Variants in GPC5 observed in about 807,000 individuals in gnomAD.
The protein encoded by GPC5 is glypican-5.
A neutral mutation model predicts 53.9 loss-of-function variants in GPC5; 47 were observed. The ratio of observed to expected loss-of-function variants is 0.87; its 90% CI spans 0.69 to 1.11. GPC5 has a LOEUF of 1.11. GPC5 is among the 50% of genes most tolerant of loss of function. The pLI is 0.00. For missense variants in GPC5, 748 were observed against 713.1 expected, an observed-to-expected ratio of 1.05 and a Z score of -0.56; for synonymous variants, 286 against 263.3, an observed-to-expected ratio of 1.09 and a Z score of -0.84.
intron 5 of GPC5, among the ~76,000 whole-genome samples, chr13:91,767,464 G>A (rs544129728): frequency 6.6e-6 from 1 of 152,184 alleles, no homozygotes; most frequent in Non-Finnish European, 1.5e-5. Context: ...TGATCTTAAT[G>A]AACTATCAGT....
intron 7 of GPC5, among the ~76,000 whole-genome samples, chr13:92,412,236 A>G (rs934334330): frequency 6.6e-6 from 1 of 152,172 alleles, no homozygotes; most frequent in Non-Finnish European, 1.5e-5. Flanking sequence ...CATTGAATTC[A>G]TTGGTTCTTT....
intron 2 of GPC5, among the ~76,000 whole-genome samples, chr13:91,586,178 A>G (rs571945170): frequency 1.3e-5 from 2 of 151,700 alleles, no homozygotes; most frequent in African/African-American, 4.8e-5. Context: ...GCGGCTTACA[A>G]TAGAGCCCAG....
intron 3 of GPC5, among the ~76,000 whole-genome samples, chr13:91,705,259 G>A (rs190970546): frequency 1.3e-5 from 2 of 152,190 alleles, no homozygotes; most frequent in Non-Finnish European, 1.5e-5. Flanking sequence ...AATCAGAAAG[G>A]CTGGCTGCTA....
At chr13:92,545,606 G>A (rs993538188) in intron 7 of GPC5, among the ~76,000 whole-genome samples, 44 of 152,026 alleles carry the variant, frequency 2.9e-4, no homozygotes, top group Admixed American at 2.6e-4. Flanking sequence ...TTTAATGATC[G>A]CCATTCTAAC....
At position 91,728,610 on chromosome 13, in the gene GPC5, C is replaced by T; in HGVS notation, c.1099C>T (p.His367Tyr). Residue 367 changes from histidine to tyrosine, a missense_variant, in exon 4 of 8, where the codon CAT (histidine) becomes TAT (tyrosine). Physicochemically the swap from His to Tyr is moderately conservative, Grantham distance 83. Coordinates refer to ENST00000377067, the MANE Select transcript of GPC5 (RefSeq NM_004466.6). ...TTCTTTTGATCAGAGCAAAGAGAAG[C>T]ATGGAATGAAGACCACCACAAGGAA... ...RCSFDQSKEK[H>Y]GMKTTTRNSE... is the part of the protein sequence containing the mutation. The T allele has an allele frequency of 1.9e-6, 3 of 1,613,270 alleles. No homozygotes were observed. Among genetic ancestry groups the T allele is most frequent in the Non-Finnish European group, 1.7e-6 (2 of 1,179,486 alleles).
intron 5 of GPC5, among the ~76,000 whole-genome samples, chr13:91,793,576 C>A (rs1202452447): frequency 6.6e-6 from 1 of 152,146 alleles, no homozygotes; most frequent in Non-Finnish European, 1.5e-5. Context: ...TAAAATAAAT[C>A]CACTGAGCAT....
At chr13:91,774,064 A>G (rs1167579034) in intron 5 of GPC5, among the ~76,000 whole-genome samples, 1 of 152,212 alleles carries the variant, frequency 6.6e-6, no homozygotes, top group Non-Finnish European at 1.5e-5. Context: ...TGTAACAGCC[A>G]GGATTACAAA....
At chr13:91,606,533 C>T (rs2033373684) in intron 2 of GPC5, among the ~76,000 whole-genome samples, 1 of 148,970 alleles carries the variant, frequency 6.7e-6, no homozygotes, top group African/African-American at 2.5e-5. Context: ...AGGAATGGTA[C>T]CAGTTCCTCC....
intron 7 of GPC5, among the ~76,000 whole-genome samples, chr13:92,643,047 C>CT (rs918659740): frequency 1.3e-5 from 2 of 152,128 alleles, no homozygotes; most frequent in African/African-American, 4.8e-5. Flanking sequence ...TGTTCATGTC[C>CT]TTTGCCCACT....
At chr13:92,551,834 C>T (rs1362461261) in intron 7 of GPC5, among the ~76,000 whole-genome samples, 1 of 151,646 alleles carries the variant, frequency 6.6e-6, no homozygotes, top group Non-Finnish European at 1.5e-5. Flanking sequence ...AAATTTAGAC[C>T]AGTTGGTGAG....
chr13:91,916,447 T>C (rs1566340032), intron 6 of GPC5, among the ~76,000 whole-genome samples: 1 of 152,198 alleles, frequency 6.6e-6, no homozygotes, highest in African/African-American at 2.4e-5. Context: ...TAATGCAATA[T>C]TATTTGCCAA....
At chr13:92,754,381 A>C (rs1256797316) in intron 7 of GPC5, among the ~76,000 whole-genome samples, 1 of 152,224 alleles carries the variant, frequency 6.6e-6, no homozygotes, top group Non-Finnish European at 1.5e-5. Context: ...AATCATGCCA[A>C]AATGTAAAGA....
chr13:92,379,605 T>A (rs143381649), intron 7 of GPC5, among the ~76,000 whole-genome samples: 124 of 151,180 alleles, frequency 8.2e-4, no homozygotes, highest in African/African-American at 2.9e-3. Context: ...AGTTCCTCTC[T>A]CTGTCCTCTG....
intron 7 of GPC5, among the ~76,000 whole-genome samples, chr13:92,293,025 G>A (rs2043008558): frequency 6.6e-6 from 1 of 151,868 alleles, no homozygotes. Context: ...ACTGGTCTAT[G>A]TGTCTATTTT....
intron 7 of GPC5, among the ~76,000 whole-genome samples, chr13:92,322,232 G>T (rs1594099394): frequency 6.6e-6 from 1 of 151,810 alleles, no homozygotes; most frequent in East Asian, 1.9e-4. Context: ...GGCTTTAAAG[G>T]GGAGATGAGC....
chr13:92,063,747 T>C (rs942171647), intron 6 of GPC5, among the ~76,000 whole-genome samples: 1 of 152,128 alleles, frequency 6.6e-6, no homozygotes, highest in African/African-American at 2.4e-5. Flanking sequence ...CTTAATGATA[T>C]GACATGAAGG....
intron 6 of GPC5, among the ~76,000 whole-genome samples, chr13:92,074,296 G>A (rs2041235923): frequency 6.6e-6 from 1 of 152,188 alleles, no homozygotes; most frequent in African/African-American, 2.4e-5. Flanking sequence ...AGCTTATAAT[G>A]AGAATAGGAA....
intron 7 of GPC5, among the ~76,000 whole-genome samples, chr13:92,341,014 A>G (rs912760429): frequency 2.0e-5 from 3 of 152,154 alleles, no homozygotes; most frequent in Non-Finnish European, 4.4e-5. Flanking sequence ...ACTACAGTCC[A>G]TCTTCATTTT....
intron 7 of GPC5, among the ~76,000 whole-genome samples, chr13:92,823,900 A>G (rs1003631299): frequency 1.2e-4 from 18 of 152,006 alleles, no homozygotes; most frequent in Admixed American, 1.2e-3. Context: ...TCTCAATACC[A>G]ACTCAATTTC....
Sources: gnomAD v4.1 joint callset for allele counts (sites outside exome capture counted in the v4.1 genomes callset) on GRCh38, gnomAD v4.1.1 for gene constraint, MANE v1.5 for transcripts, NCBI Gene and HGNC (gene_info 2026-07-23, HGNC 2026-07-21) for gene names.